ASB15: variants seen among roughly 807,000 people sequenced by gnomAD.
The protein encoded by ASB15 is ankyrin repeat and SOCS box protein 15.
Under a neutral mutation model 58.0 loss-of-function variants are expected in ASB15, and 54 were observed. The observed-to-expected ratio is 0.93, with a 90% CI of 0.75 to 1.17. The LOEUF (loss-of-function observed/expected upper bound fraction) is 1.17. Ranked by LOEUF, ASB15 falls within the 50% of genes most tolerant of loss-of-function variation. The probability of loss-of-function intolerance (pLI) is 0.00; values close to 1 mark genes in which losing one functional copy is unlikely to be tolerated. For synonymous variants in ASB15, 249 were observed against 262.4 expected (o/e 0.95, Z 0.50); for missense variants, 680 against 707.4 (o/e 0.96, Z 0.44).
intron 9 of ASB15, 49 bp downstream of exon 9, chr7:123,627,330 G>A: frequency 1.4e-6 from 2 of 1,455,846 alleles, no homozygotes; most frequent in Non-Finnish European, 1.9e-6. Context: ...ATGCTAATTT[G>A]TATATACAGT....
At position 123,570,085 on chromosome 7, in the gene ASB15, C is replaced by A. The variant is rs546739609; in HGVS notation, c.-443+2997C>A. Reference sequence around the variant, plus strand: ...AGTCTGGCTCTGTTGCCCAGGCTGGCTTGCAGTGGCACGATCTCGGCTCAC... The same window carrying A: ...AGTCTGGCTCTGTTGCCCAGGCTGGATTGCAGTGGCACGATCTCGGCTCAC... On this transcript the variant is annotated intron_variant, in intron 1 of 13. Coordinates refer to the ASB15 transcript ENST00000451558. Among the ~76,000 whole-genome samples the A allele has an allele frequency of 5.6e-5, 7 of 125,698 alleles. No individual in the cohort carries two copies. In the South Asian group the frequency reaches 1.0e-3, roughly 18 times the overall value. 82.5% of individuals were successfully genotyped at this position (125,698 alleles called of 152,430 possible). A position where few individuals can be genotyped will look rare whatever the true frequency, so the allele number is the denominator to read the frequency against.
chr7:123,575,857 T>C (rs907802717), intron 1 of ASB15, among the ~76,000 whole-genome samples: 2 of 150,586 alleles, frequency 1.3e-5, no homozygotes, highest in African/African-American at 4.8e-5. Context: ...TCCTAGACTA[T>C]GTCTCCATAT....
intron 1 of ASB15, among the ~76,000 whole-genome samples, chr7:123,580,540 C>T (rs1799198313): frequency 6.6e-6 from 1 of 152,018 alleles, no homozygotes; most frequent in Non-Finnish European, 1.5e-5. Flanking sequence ...ATGACACCTA[C>T]TTTGCAAGAA....
chr7:123,612,031 G>C (rs1289828103), intron 3 of ASB15, among the ~76,000 whole-genome samples: 1 of 152,030 alleles, frequency 6.6e-6, no homozygotes. Flanking sequence ...TATGGAGCCT[G>C]TGCTCTCTCA....
chr7:123,618,988 G>A (rs984124185), intron 7 of ASB15, among the ~76,000 whole-genome samples: 31 of 151,800 alleles, frequency 2.0e-4, no homozygotes, highest in East Asian at 1.6e-3. Flanking sequence ...AGCCTGGCCA[G>A]CATGGTGAAA....
At chr7:123,583,327 A>G (rs1247606286) in intron 1 of ASB15, among the ~76,000 whole-genome samples, 1 of 151,992 alleles carries the variant, frequency 6.6e-6, no homozygotes, top group Non-Finnish European at 1.5e-5. Flanking sequence ...AACATATATC[A>G]TATGAGGAGA....
At chr7:123,598,871 G>A (rs1006865623), upstream of ASB15, 2 of 152,184 alleles carry the variant, frequency 1.3e-5, no homozygotes, top group Non-Finnish European at 2.9e-5. Context: ...AGGGGCCTGT[G>A]ACATCAGTGC....
At chr7:123,574,145 A>G (rs577524069) in intron 1 of ASB15, among the ~76,000 whole-genome samples, 13 of 150,986 alleles carry the variant, frequency 8.6e-5, no homozygotes, top group Admixed American at 8.6e-4. Context: ...TTTTAGAATC[A>G]TTTTTGACAT....
At chr7:123,588,094 G>C (rs945045880) in intron 1 of ASB15, among the ~76,000 whole-genome samples, 1 of 151,800 alleles carries the variant, frequency 6.6e-6, no homozygotes, top group African/African-American at 2.4e-5. Context: ...TTTTGCAAGA[G>C]TTTGAGCAGA....
intron 1 of ASB15, among the ~76,000 whole-genome samples, chr7:123,578,705 G>T (rs1799140098): frequency 6.6e-6 from 1 of 151,962 alleles, no homozygotes; most frequent in Non-Finnish European, 1.5e-5. Context: ...TTCTTTCTCA[G>T]GGAGACATTG....
chr7:123,578,391 A>T (rs1799128291), intron 1 of ASB15, among the ~76,000 whole-genome samples: 1 of 151,890 alleles, frequency 6.6e-6, no homozygotes, highest in African/African-American at 2.4e-5. Context: ...TGGCCTAAAC[A>T]TCTGTCATTT....
intron 1 of ASB15, among the ~76,000 whole-genome samples, chr7:123,578,432 A>T (rs941517536): frequency 6.6e-6 from 1 of 151,788 alleles, no homozygotes; most frequent in Non-Finnish European, 1.5e-5. Flanking sequence ...GACTGTGAAC[A>T]TACCCCTCTT....
At chr7:123,575,362 G>T (rs1262536490) in intron 1 of ASB15, among the ~76,000 whole-genome samples, 1 of 151,846 alleles carries the variant, frequency 6.6e-6, no homozygotes, top group Non-Finnish European at 1.5e-5. Context: ...TGTTAAATAT[G>T]TTCATACCTC....
Position 123,617,582 on chromosome 7 carries a change from C to A in ASB15, c.296C>A (p.Ser99Tyr), listed in dbSNP as rs374782660. The A allele has an allele frequency of 1.2e-6, 2 of 1,606,496 alleles. No homozygotes were observed. The highest frequency in any genetic ancestry group is 2.7e-5 in the African/African-American group (2 of 74,596). ...ACATAATGCTTTCATGTCACAGCAT[C>A]CTATAAGACACTCTGGGAATTCAAG... Reference protein sequence around the residue: ...QQILEIVLDASYKTLWEFKTC... With the variant: ...QQILEIVLDAYYKTLWEFKTC... The change falls in exon 7 of 12, where the codon TCC becomes TAC. Residue 99 changes from serine (S) to tyrosine (Y), a missense_variant. By Grantham distance (144) the Ser-to-Tyr change is moderately radical. Transcript: ENST00000451215.
rs1181916747 is a variant in ASB15, at chr7:123,636,661, T to G, written c.1595-148T>G. The G allele has an allele frequency of 9.1e-6, 6 of 659,446 alleles. No individual in the cohort carries two copies. In the East Asian group the frequency reaches 1.7e-4, roughly 18 times the overall value. The allele number at this position is 659,446 out of a possible 1,614,324, so 40.8% of individuals were successfully genotyped here. A position where few individuals can be genotyped will look rare whatever the true frequency, so the allele number is the denominator to read the frequency against. On this transcript the variant is annotated intron_variant, in intron 11 of 11. Coordinates refer to ENST00000451215, the MANE Select transcript of ASB15 (RefSeq NM_001290258.2). ...AGTAGACTAGAATGCTCAATTACAATTTGAATTTCACTTAAAATCACCAGT... is the reference window on the plus strand; with the variant it reads ...AGTAGACTAGAATGCTCAATTACAAGTTGAATTTCACTTAAAATCACCAGT...
intron 7 of ASB15, among the ~76,000 whole-genome samples, chr7:123,619,242 G>A (rs564160285): frequency 7.9e-5 from 12 of 151,054 alleles, no homozygotes; most frequent in Non-Finnish European, 8.8e-5. Flanking sequence ...GGGTAGTGTG[G>A]ATATAAAGAT....
rs773383500 is a variant in ASB15 at position 123,624,714 on chromosome 7, T to C, written c.597T>C (p.His199=). ...RKDIVALLLK[H]GGNVHLRDGF... Reference sequence around the variant, plus strand: ...ATATCGTAGCTCTGCTGCTGAAACATGGAGGCAATGTCCACCTGAGAGATG... The same window carrying C: ...ATATCGTAGCTCTGCTGCTGAAACACGGAGGCAATGTCCACCTGAGAGATG... The change falls in exon 8 of 12, where the codon CAT becomes CAC. Residue 199 remains histidine, a synonymous_variant. Coordinates refer to ENST00000451215, the MANE Select transcript of ASB15 (RefSeq NM_001290258.2). The C allele has an allele frequency of 1.9e-6, 3 of 1,614,178 alleles. No homozygotes were observed. Among genetic ancestry groups the C allele is most frequent in the Admixed American group, 3.3e-5 (2 of 60,022 alleles).
In ASB15 at chr7:123,569,792, T is replaced by TGAG. The variant is rs59875858; in HGVS notation, c.-443+2705_-443+2706insAGG. 9.3e-3 allele frequency among the ~76,000 whole-genome samples: 1,415 copies of TGAG among 152,276 alleles called. 21 individuals are homozygous for TGAG. Among genetic ancestry groups the TGAG allele is most frequent in the African/African-American group, 0.033 (1,355 of 41,536 alleles). ...GCAGGGGACATGTAGGAAACACTCT[T>TGAG]GTAACAGAGAGGCAAGCCCGTTAAG... On this transcript the variant is annotated intron_variant, in intron 1 of 13. Coordinates refer to the ASB15 transcript ENST00000451558.
At chr7:123,572,869 C>G (rs1018029001) in intron 1 of ASB15, among the ~76,000 whole-genome samples, 1 of 150,410 alleles carries the variant, frequency 6.6e-6, no homozygotes, top group Non-Finnish European at 1.5e-5. Flanking sequence ...CTTTCTATAC[C>G]CTTATTTTAT....
Sources: gnomAD v4.1 joint callset for allele counts (sites outside exome capture counted in the v4.1 genomes callset) on GRCh38, gnomAD v4.1.1 for gene constraint, MANE v1.5 for transcripts, NCBI Gene and HGNC (gene_info 2026-07-23, HGNC 2026-07-21) for gene names.